CDH4: variants seen among roughly 807,000 people sequenced by gnomAD.
CDH4 encodes the protein cadherin 4.
A neutral mutation model predicts 86.0 loss-of-function variants in CDH4; 33 were observed. That is an observed-to-expected ratio of 0.38 (90% CI 0.29 to 0.51). CDH4 has a LOEUF of 0.51. CDH4 is among the 20% of genes least tolerant of loss of function. The pLI, the probability that CDH4 is intolerant of heterozygous loss-of-function variation, is 0.86. For missense variants in CDH4, 1,114 were observed against 1,307.4 expected (o/e 0.85, Z 2.28); for synonymous variants, 555 against 549.4 (o/e 1.01, Z -0.14).
At chr20:61,523,585 A>G (rs142490018) in intron 2 of CDH4, among the ~76,000 whole-genome samples, 2 of 152,356 alleles carry the variant, frequency 1.3e-5, no homozygotes, top group East Asian at 3.9e-4. Flanking sequence ...ACACCAGGGC[A>G]GATTGCAGCT....
At chr20:61,755,774 A>G (rs1344586576) in intron 3 of CDH4, among the ~76,000 whole-genome samples, 1 of 149,640 alleles carries the variant, frequency 6.7e-6, no homozygotes, top group Non-Finnish European at 1.5e-5. Flanking sequence ...CTACACACAT[A>G]TACACACCAC....
At chr20:61,364,367 G>A (rs1600903824) in intron 2 of CDH4, among the ~76,000 whole-genome samples, 2 of 152,150 alleles carry the variant, frequency 1.3e-5, no homozygotes, top group East Asian at 1.9e-4. Flanking sequence ...ATCCCTGGGG[G>A]CTCCTCACAC....
chr20:61,812,364 G>A (rs1433731015), intron 4 of CDH4, among the ~76,000 whole-genome samples: 1 of 152,156 alleles, frequency 6.6e-6, no homozygotes, highest in Non-Finnish European at 1.5e-5. Context: ...GCCGGGTGGG[G>A]CTGCCATGGG....
At chr20:61,824,685 G>A (rs188897560) in intron 4 of CDH4, among the ~76,000 whole-genome samples, 239 of 152,346 alleles carry the variant, frequency 1.6e-3, no homozygotes, top group Middle Eastern at 3.4e-3. Flanking sequence ...AGAGATCCAG[G>A]TCACATTTAA....
At chr20:61,839,833 T>C (rs1476601141) in intron 4 of CDH4, among the ~76,000 whole-genome samples, 1 of 151,892 alleles carries the variant, frequency 6.6e-6, no homozygotes, top group African/African-American at 2.4e-5. Flanking sequence ...TGTGTCTGTG[T>C]GTAGGTATGC....
chr20:61,274,587 T>TGTGCAGTTTGGAGGAGTACC (rs2084214737), intron 2 of CDH4, among the ~76,000 whole-genome samples: 2 of 16,258 alleles, frequency 1.2e-4, no homozygotes, highest in Non-Finnish European at 3.3e-4. Context: ...GGGGGAGTAC[T>TGTGCAGTTTGGAGGAGTACC]GTGTGCAGCT....
intron 3 of CDH4, among the ~76,000 whole-genome samples, chr20:61,766,113 C>T (rs889547580): frequency 6.6e-6 from 1 of 151,930 alleles, no homozygotes; most frequent in Non-Finnish European, 1.5e-5. Flanking sequence ...CCCTGGCAGG[C>T]CCCTCGGTCT....
At chr20:61,871,843 G>A (rs116542500) in intron 6 of CDH4, among the ~76,000 whole-genome samples, 2,061 of 152,316 alleles carry the variant, frequency 0.014, 27 homozygotes, top group South Asian at 0.061. Context: ...TCCTGCCTCC[G>A]CTTGTTTTTC....
chr20:61,261,374 G>T (rs1217670942), intron 2 of CDH4, among the ~76,000 whole-genome samples: 10 of 152,238 alleles, frequency 6.6e-5, no homozygotes, highest in Non-Finnish European at 1.5e-4. Flanking sequence ...GTGACTTAAA[G>T]ATTCAGGTTT....
intron 7 of CDH4, among the ~76,000 whole-genome samples, chr20:61,874,323 G>A (rs1275400878): frequency 1.3e-5 from 2 of 152,144 alleles, no homozygotes; most frequent in Admixed American, 6.5e-5. Flanking sequence ...AGGCTGCGGC[G>A]GCCTGGCTGT....
intron 2 of CDH4, among the ~76,000 whole-genome samples, chr20:61,363,910 T>C (rs941721906): frequency 1.3e-5 from 2 of 152,200 alleles, no homozygotes; most frequent in East Asian, 1.9e-4. Context: ...CGTACTATGA[T>C]ATTTGGTGAG....
chr20:61,371,300 C>T (rs551324968), intron 2 of CDH4, among the ~76,000 whole-genome samples: 3 of 152,266 alleles, frequency 2.0e-5, no homozygotes, highest in African/African-American at 7.2e-5. Context: ...CCTCTTGCAG[C>T]GTCCCCCAGG....
chr20:61,782,757 A>G (rs1978617508), intron 4 of CDH4, among the ~76,000 whole-genome samples: 1 of 152,186 alleles, frequency 6.6e-6, no homozygotes, highest in Admixed American at 6.5e-5. Context: ...TGAAGTTGAG[A>G]TGAGTATTTT....
In CDH4 at chr20:61,754,704, C is replaced by A. The variant is rs1047457365; in HGVS notation, c.396+10915C>A. Among the ~76,000 whole-genome samples the A allele has an allele frequency of 3.4e-5, 5 of 149,082 alleles. No individual in the cohort carries two copies. Among genetic ancestry groups the A allele is most frequent in the African/African-American group, 1.2e-4 (5 of 40,518 alleles). ...TGCACACCACACACACAGTGCATGC[C>A]ACACACACCGCACACACACTGCACG... On this transcript the variant is annotated intron_variant, in intron 3 of 15. Coordinates refer to ENST00000614565, the MANE Select transcript of CDH4 (RefSeq NM_001794.5). This position sits in a 1 kb window ranked among gnomAD's most constrained non-coding sequence, Gnocchi z 4.7.
chr20:61,570,535 C>A, intron 2 of CDH4: 1 of 627,410 alleles, frequency 1.6e-6, no homozygotes, highest in South Asian at 1.8e-5. Context: ...GATGACAAGG[C>A]ACCTCTGCTT....
chr20:61,598,279 G>T (rs920106331), intron 2 of CDH4, among the ~76,000 whole-genome samples: 1 of 151,854 alleles, frequency 6.6e-6, no homozygotes, highest in African/African-American at 2.4e-5. Context: ...CCACCGGCCT[G>T]CCTGCTTCCC....
intron 2 of CDH4, among the ~76,000 whole-genome samples, chr20:61,519,925 G>A (rs911776163): frequency 1.3e-5 from 2 of 152,128 alleles, no homozygotes; most frequent in African/African-American, 2.4e-5. Context: ...GGTGCCCGCC[G>A]ACTCTGCCCA....
chr20:61,321,897 T>C (rs1396525477), intron 2 of CDH4, among the ~76,000 whole-genome samples: 1 of 151,816 alleles, frequency 6.6e-6, no homozygotes, highest in Non-Finnish European at 1.5e-5. Context: ...CATAACAATA[T>C]AACATATAAG....
At chr20:61,928,162 C>G (rs765299128) in intron 11 of CDH4, 28 bp from the exon 12 acceptor site, 1 of 1,566,726 alleles carries the variant, frequency 6.4e-7, no homozygotes, top group Non-Finnish European at 8.7e-7. Context: ...AGGAGTGGCC[C>G]GTGTGGTGAC....
Sources: gnomAD v4.1 joint callset for allele counts (sites outside exome capture counted in the v4.1 genomes callset) on GRCh38, gnomAD v4.1.1 for gene constraint, Gnocchi (gnomAD v3.1) non-coding constraint, MANE v1.5 for transcripts, NCBI Gene and HGNC (gene_info 2026-07-23, HGNC 2026-07-21) for gene names.